The following IQCM variants were observed in gnomAD, a reference collection of about 807,000 sequenced individuals.
IQCM encodes the protein IQ motif containing M.
IQCM carries 45 observed loss-of-function variants against 57.6 expected under a neutral mutation model. That is an observed-to-expected ratio of 0.78 (90% CI 0.62 to 1.00). The LOEUF (loss-of-function observed/expected upper bound fraction) is 1.00. Ranked by LOEUF, IQCM falls within the 50% of genes least tolerant of loss-of-function variation. The pLI is 0.00. For missense variants in IQCM, 468 were observed against 511.6 expected (o/e 0.91, Z 0.82); for synonymous variants, 148 against 158.9 (o/e 0.93, Z 0.51).
chr4:149,781,610 T>C (rs1771608739), intron 2 of IQCM, among the ~76,000 whole-genome samples: 1 of 152,222 alleles, frequency 6.6e-6, no homozygotes, highest in African/African-American at 2.4e-5. Context: ...TTTCTGTGCC[T>C]AACATATGAA....
intron 12 of IQCM, among the ~76,000 whole-genome samples, chr4:149,467,872 G>A (rs923957211): frequency 6.6e-6 from 1 of 152,210 alleles, no homozygotes; most frequent in South Asian, 2.1e-4. Flanking sequence ...TACTTAACTG[G>A]AACCCAAAGG....
intron 5 of IQCM, among the ~76,000 whole-genome samples, chr4:149,687,065 T>C (rs954296493): frequency 5.9e-5 from 9 of 151,758 alleles, no homozygotes; most frequent in African/African-American, 2.2e-4. Context: ...CAATATATAG[T>C]TTGAAATATT....
At position 149,682,099 on chromosome 4, in the gene IQCM, A is replaced by G. The variant is rs559492796; in HGVS notation, c.565+19T>C. The G allele has an allele frequency of 1.2e-4, 124 of 1,044,546 alleles. No individual in the cohort carries two copies. In the African/African-American group the frequency reaches 1.8e-3, roughly 15 times the overall value. The allele number at this position is 1,044,546 out of a possible 1,614,324, so 64.7% of individuals were successfully genotyped here. On this transcript the variant is annotated intron_variant, in intron 7 of 13. Coordinates refer to ENST00000636793, the MANE Select transcript of IQCM (RefSeq NM_001363507.2). ...TGAAAATCAATGTGCTGCTACCAAC[A>G]TTTATGTATAAGACTCACCAGGTTC...
intron 9 of IQCM, among the ~76,000 whole-genome samples, chr4:149,566,752 C>T (rs1028706035): frequency 2.0e-5 from 3 of 152,068 alleles, no homozygotes; most frequent in Admixed American, 1.3e-4. Flanking sequence ...AACAGATGTA[C>T]TTTGATCAAT....
chr4:149,551,697 A>C (rs1359711009), intron 11 of IQCM, among the ~76,000 whole-genome samples: 1 of 137,968 alleles, frequency 7.2e-6, no homozygotes, highest in African/African-American at 2.8e-5. Context: ...ATATTAGATT[A>C]TATAATATAA....
At chr4:149,812,929 A>G (rs1774720157) in intron 2 of IQCM, among the ~76,000 whole-genome samples, 1 of 152,132 alleles carries the variant, frequency 6.6e-6, no homozygotes, top group Non-Finnish European at 1.5e-5. Context: ...AAAATCAACA[A>G]CTTAATCCTG....
chr4:149,456,635 T>C (rs1368139579), intron 12 of IQCM, among the ~76,000 whole-genome samples: 1 of 152,058 alleles, frequency 6.6e-6, no homozygotes, highest in Admixed American at 6.6e-5. Flanking sequence ...AAAAAGTTTT[T>C]AATTTGGGAG....
intron 5 of IQCM, among the ~76,000 whole-genome samples, chr4:149,706,820 C>T (rs757760970): frequency 9.2e-5 from 14 of 151,922 alleles, no homozygotes; most frequent in Non-Finnish European, 1.9e-4. Context: ...CTGAGGCTCT[C>T]TGGACCTCTC....
chr4:149,547,903 C>G (rs1216928357), intron 12 of IQCM, among the ~76,000 whole-genome samples: 1 of 152,178 alleles, frequency 6.6e-6, no homozygotes, highest in African/African-American at 2.4e-5. Flanking sequence ...TGACAATTTA[C>G]ATCCCCTTAT....
At chr4:149,681,162 T>C (rs1205616088) in intron 7 of IQCM, among the ~76,000 whole-genome samples, 1 of 151,262 alleles carries the variant, frequency 6.6e-6, no homozygotes, top group Non-Finnish European at 1.5e-5. Flanking sequence ...TCAAGAGTAT[T>C]ATTTATTACA....
chr4:149,755,611 A>G (rs970211229), intron 2 of IQCM, among the ~76,000 whole-genome samples: 2 of 152,134 alleles, frequency 1.3e-5, no homozygotes, highest in Non-Finnish European at 2.9e-5. Context: ...AACCCTCCCT[A>G]AATCCCTCCT....
In IQCM at chr4:149,442,953, C is replaced by G. The variant is rs9307858; in HGVS notation, c.1229-9396G>C. ...ACACACACACACACACACACACACA[C>G]AGAGAGAGAGAGAGAGAGAGAGAGA... is the stretch of plus-strand genomic sequence containing the variant. On this transcript the variant is annotated intron_variant, in intron 12 of 13. Coordinates refer to ENST00000636793, the MANE Select transcript of IQCM (RefSeq NM_001363507.2). Among the ~76,000 whole-genome samples the G allele has an allele frequency of 3.7e-3, 362 of 98,052 alleles. 2 individuals are homozygous for G. The highest frequency in any genetic ancestry group is 5.6e-3 in the Middle Eastern group (1 of 180). 64.3% of individuals were successfully genotyped at this position (98,052 alleles called of 152,430 possible). A position where few individuals can be genotyped will look rare whatever the true frequency, so the allele number is the denominator to read the frequency against.
At chr4:149,363,688 G>A (rs1158339254) in intron 13 of IQCM, among the ~76,000 whole-genome samples, 5 of 152,058 alleles carry the variant, frequency 3.3e-5, no homozygotes, top group African/African-American at 1.2e-4. Flanking sequence ...TTGAAACATG[G>A]AAAAAATTAT....
intron 4 of IQCM, 111 bp from the exon 5 acceptor site, chr4:149,733,619 C>A: frequency 2.0e-6 from 1 of 490,092 alleles, no homozygotes; most frequent in Non-Finnish European, 3.2e-6. Flanking sequence ...CTAGTACATA[C>A]ATTTTACAAA....
intron 13 of IQCM, among the ~76,000 whole-genome samples, chr4:149,397,909 T>C (rs974392530): frequency 5.3e-5 from 8 of 152,066 alleles, no homozygotes; most frequent in African/African-American, 1.7e-4. Flanking sequence ...TCCTTCATTG[T>C]GCAGAGCTTT....
chr4:149,435,240 T>C (rs1305196924), intron 12 of IQCM, among the ~76,000 whole-genome samples: 2 of 152,126 alleles, frequency 1.3e-5, no homozygotes, highest in African/African-American at 4.8e-5. Flanking sequence ...GGACCCTAAC[T>C]GATACAGACA....
rs563066920 is a variant in IQCM at position 149,692,126 on chromosome 4, G to A, written c.386-5658C>T. ...TGAGATGTGAGTACATGAGGTGTGA[G>A]CCACTACCAGACATGGGCTGAAGTC... On this transcript the variant is annotated intron_variant, in intron 5 of 13. Coordinates refer to ENST00000636793, the MANE Select transcript of IQCM (RefSeq NM_001363507.2). Among the ~76,000 whole-genome samples the A allele has an allele frequency of 5.9e-5, 9 of 152,206 alleles. No homozygotes were observed. In the South Asian group the frequency reaches 1.9e-3, roughly 32 times the overall value.
chr4:149,685,909 A>G (rs1328549172), intron 6 of IQCM, among the ~76,000 whole-genome samples: 1 of 151,510 alleles, frequency 6.6e-6, no homozygotes, highest in African/African-American at 2.4e-5. Flanking sequence ...TTTGGAAAGC[A>G]GAGGCAATGC....
intron 3 of IQCM, 149 bp from the exon 4 acceptor site, chr4:149,735,607 G>A (rs1766863156): frequency 7.7e-6 from 3 of 391,398 alleles, no homozygotes; most frequent in Non-Finnish European, 1.3e-5. Context: ...GTAATGGTCA[G>A]GTGATAAGAT....
Sources: gnomAD v4.1 joint callset for allele counts (sites outside exome capture counted in the v4.1 genomes callset) on GRCh38, gnomAD v4.1.1 for gene constraint, MANE v1.5 for transcripts, NCBI Gene and HGNC (gene_info 2026-07-23, HGNC 2026-07-21) for gene names.